Variants in NKAIN2 observed in about 807,000 individuals in gnomAD.
The protein encoded by NKAIN2 is sodium/potassium-transporting ATPase subunit beta-1-interacting protein 2.
In NKAIN2, 14 loss-of-function variants were observed where a neutral mutation model predicts 32.6. The observed-to-expected ratio is 0.43, with a 90% confidence interval of 0.28 to 0.67. The LOEUF is 0.67. NKAIN2 is among the 30% of genes least tolerant of loss of function. NKAIN2 has a pLI of 0.17. For synonymous variants in NKAIN2, 80 were observed against 87.2 expected, an observed-to-expected ratio of 0.92 and a Z score of 0.46; for missense variants, 198 against 258.3, an observed-to-expected ratio of 0.77 and a Z score of 1.60.
chr6:124,761,913 G>A (rs1778282998), intron 4 of NKAIN2, among the ~76,000 whole-genome samples: 1 of 152,242 alleles, frequency 6.6e-6, no homozygotes, highest in African/African-American at 2.4e-5. Flanking sequence ...ATGTGCAGAT[G>A]TATACCCCAT....
chr6:124,716,506 C>T (rs757454503), intron 4 of NKAIN2, among the ~76,000 whole-genome samples: 19 of 152,206 alleles, frequency 1.2e-4, no homozygotes, highest in Non-Finnish European at 2.1e-4. Context: ...AACACAGCAG[C>T]ACAACAATCA....
rs566543623 is a variant in NKAIN2, at chr6:124,814,437, T to G, written c.536-3950T>G. 9.2e-5 allele frequency among the ~76,000 whole-genome samples: 14 copies of G among 152,292 alleles called. 1 individual carries two copies. Among genetic ancestry groups the G allele is most frequent in the South Asian group, 4.1e-4 (2 of 4,826 alleles). ...CAGCCTGGTTACATTCAGAGCTGCT[T>G]CTTTTCTCATCTTGGTTCTGGGTCA... is the stretch of plus-strand genomic sequence containing the variant. On this transcript the variant is annotated intron_variant, in intron 5 of 6. Coordinates refer to ENST00000368417, the MANE Select transcript of NKAIN2 (RefSeq NM_001040214.3).
intron 1 of NKAIN2, among the ~76,000 whole-genome samples, chr6:123,813,193 G>A (rs897933306): frequency 2.0e-5 from 3 of 152,186 alleles, no homozygotes; most frequent in Non-Finnish European, 1.5e-5. Context: ...TACTGGGGTG[G>A]AGTGCTGCCT....
chr6:124,097,298 G>T (rs1442347788), intron 1 of NKAIN2, among the ~76,000 whole-genome samples: 1 of 151,828 alleles, frequency 6.6e-6, no homozygotes, highest in African/African-American at 2.4e-5. Context: ...TACTCGAGAG[G>T]CTGAATGAAG....
At chr6:124,378,845 T>C (rs937360509) in intron 3 of NKAIN2, among the ~76,000 whole-genome samples, 4 of 151,178 alleles carry the variant, frequency 2.6e-5, no homozygotes, top group Non-Finnish European at 5.9e-5. Flanking sequence ...GTCCCAGTAC[T>C]TTGGGAGGCT....
intron 1 of NKAIN2, among the ~76,000 whole-genome samples, chr6:124,088,782 A>G (rs1033059047): frequency 8.5e-5 from 13 of 152,050 alleles, no homozygotes; most frequent in Admixed American, 3.9e-4. Flanking sequence ...TTGTTTTACA[A>G]AAGCATCTAG....
At position 124,526,223 on chromosome 6, in the gene NKAIN2, G is replaced by T. The variant is rs565462978; in HGVS notation, c.274-131963G>T. Among the ~76,000 whole-genome samples, 115 of 152,248 alleles carry T rather than the reference G, an allele frequency of 7.6e-4. 2 individuals are homozygous for T. The South Asian group carries it at 0.023, about 30-fold the overall frequency. On this transcript the variant is annotated intron_variant, in intron 3 of 6. Transcript: ENST00000368417. ...GAGTGGTTCTAAGAAAGAGGTAGAG[G>T]TACAGAAGGCAAGTGCATTTAGCAG...
chr6:124,558,383 C>A (rs1314462464), intron 3 of NKAIN2, among the ~76,000 whole-genome samples: 1 of 151,894 alleles, frequency 6.6e-6, no homozygotes, highest in Non-Finnish European at 1.5e-5. Flanking sequence ...TAGTCAGTCT[C>A]ACCCCCGGAC....
chr6:124,250,422 CAA>C (rs1372704075), intron 1 of NKAIN2, among the ~76,000 whole-genome samples: 1 of 151,720 alleles, frequency 6.6e-6, no homozygotes, highest in Non-Finnish European at 1.5e-5. Context: ...CTATGGACTC[CAA>C]ATACAAAGGG....
chr6:124,752,362 T>C lies in NKAIN2; in HGVS notation c.475-38977T>C, dbSNP rs539075226. On this transcript the variant is annotated intron_variant, in intron 4 of 6. Transcript: ENST00000368417. Reference sequence around the variant, plus strand: ...GGTTCTGCAATTCCCTAAAACATACTTTAGGCATTAAGTAAAAAGTGAGAA... The same window carrying C: ...GGTTCTGCAATTCCCTAAAACATACCTTAGGCATTAAGTAAAAAGTGAGAA... 3.9e-5 allele frequency among the ~76,000 whole-genome samples: 6 copies of C among 152,194 alleles called. No individual in the cohort carries two copies. In the South Asian group the frequency reaches 1.0e-3, roughly 26 times the overall value.
intron 3 of NKAIN2, among the ~76,000 whole-genome samples, chr6:124,596,606 T>G (rs1782095394): frequency 6.6e-6 from 1 of 152,044 alleles, no homozygotes; most frequent in South Asian, 2.1e-4. Context: ...ATTTCTCTTG[T>G]TTTATCCATC....
At chr6:123,945,319 T>G (rs1330589042) in intron 1 of NKAIN2, among the ~76,000 whole-genome samples, 1 of 152,116 alleles carries the variant, frequency 6.6e-6, no homozygotes, top group African/African-American at 2.4e-5. Context: ...TCTAATATTC[T>G]TATGAAGGAT....
intron 3 of NKAIN2, among the ~76,000 whole-genome samples, chr6:124,488,415 A>G (rs576872278): frequency 1.3e-5 from 2 of 152,150 alleles, no homozygotes; most frequent in Non-Finnish European, 2.9e-5. Flanking sequence ...AGAAATTACA[A>G]TGAAAAAAAG....
chr6:124,535,525 C>T (rs1017931839), intron 3 of NKAIN2, among the ~76,000 whole-genome samples: 2 of 152,146 alleles, frequency 1.3e-5, no homozygotes, highest in African/African-American at 2.4e-5. Flanking sequence ...TAAACAAAGC[C>T]AACGACTTCC....
At chr6:124,740,611 G>A (rs1222484335) in intron 4 of NKAIN2, among the ~76,000 whole-genome samples, 1 of 151,840 alleles carries the variant, frequency 6.6e-6, no homozygotes, top group Non-Finnish European at 1.5e-5. Context: ...CTTAAATGAA[G>A]TGATAAAATC....
intron 3 of NKAIN2, among the ~76,000 whole-genome samples, chr6:124,583,426 G>A (rs969173994): frequency 6.6e-6 from 1 of 151,794 alleles, no homozygotes. Flanking sequence ...GAAATGAAAG[G>A]CTTACACAAT....
chr6:124,208,608 A>G (rs1387730365), intron 1 of NKAIN2, among the ~76,000 whole-genome samples: 1 of 151,432 alleles, frequency 6.6e-6, no homozygotes, highest in East Asian at 1.9e-4. Context: ...ACCTTAGGCT[A>G]TGTTATGCTG....
intron 4 of NKAIN2, among the ~76,000 whole-genome samples, chr6:124,761,960 C>T (rs1205750525): frequency 6.6e-6 from 1 of 152,170 alleles, no homozygotes; most frequent in African/African-American, 2.4e-5. Context: ...CCTTATCCCT[C>T]TCTTTCTCCC....
At chr6:123,836,065 C>T (rs1397281657) in intron 1 of NKAIN2, among the ~76,000 whole-genome samples, 1 of 151,432 alleles carries the variant, frequency 6.6e-6, no homozygotes, top group Non-Finnish European at 1.5e-5. Context: ...ACTGTAAAAC[C>T]AAAATAAAAC....
Sources: gnomAD v4.1 joint callset for allele counts (sites outside exome capture counted in the v4.1 genomes callset) on GRCh38, gnomAD v4.1.1 for gene constraint, MANE v1.5 for transcripts, NCBI Gene and HGNC (gene_info 2026-07-23, HGNC 2026-07-21) for gene names.